PCSK9: variants seen among roughly 807,000 people sequenced by gnomAD.
PCSK9 encodes convertase subtilisin/kexin type 9 preproprotein.
Under a neutral mutation model 62.1 loss-of-function variants are expected in PCSK9, and 57 were observed. The ratio of observed to expected loss-of-function variants is 0.92; its 90% confidence interval spans 0.74 to 1.14. The LOEUF (loss-of-function observed/expected upper bound fraction) is 1.14, where lower values mean the gene tolerates loss of function less well. Ranked by LOEUF, PCSK9 falls within the 50% of genes most tolerant of loss-of-function variation. PCSK9 has a pLI of 0.00. For missense variants in PCSK9, 870 were observed against 959.8 expected (o/e 0.91, Z 1.24); for synonymous variants, 387 against 409.4 (o/e 0.95, Z 0.66).
Position 55,052,751 on chromosome 1 carries a change from C to G in PCSK9, c.759C>G (p.Leu253=). 2 of 1,613,210 alleles carry G rather than the reference C, an allele frequency of 1.2e-6. No homozygotes were observed. The highest frequency in any genetic ancestry group is 1.7e-6 in the Non-Finnish European group (2 of 1,180,008). The change falls in exon 5 of 12, where the codon CTC becomes CTG. Residue 253 remains leucine, a synonymous_variant. Coordinates refer to ENST00000302118, the MANE Select transcript of PCSK9 (RefSeq NM_174936.4). ...CCAGCATGCGCAGCCTGCGCGTGCT[C>G]AACTGCCAAGGGAAGGGCACGGTTA... is the stretch of plus-strand genomic sequence containing the variant. ...KGASMRSLRV[L]NCQGKGTVSG...
Position 55,040,217 on chromosome 1 carries a change from C to T in PCSK9, c.207+173C>T, listed in dbSNP as rs930862392. 6.6e-6 allele frequency among the ~76,000 whole-genome samples: 1 copy of T among 152,054 alleles called. No homozygotes were observed. The highest frequency in any genetic ancestry group is 1.5e-5 in the Non-Finnish European group (1 of 68,016). On this transcript the variant is annotated intron_variant, in intron 1 of 11. Coordinates refer to ENST00000302118, the MANE Select transcript of PCSK9 (RefSeq NM_174936.4). The surrounding 1 kb of genome is among the most constrained non-coding windows in gnomAD (Gnocchi z 4.1). Reference sequence around the variant, plus strand: ...CTGCAGGCAAGGCGGCGGGGGAGGACGGGTAGTGGGGAGCACGGTGGAGAG... The same window carrying T: ...CTGCAGGCAAGGCGGCGGGGGAGGATGGGTAGTGGGGAGCACGGTGGAGAG...
intron 7 of PCSK9, 30 bp from the exon 8 acceptor site, chr1:55,058,006 A>G (rs1421092577): frequency 6.2e-7 from 1 of 1,613,368 alleles, no homozygotes. Context: ...CCGGGCCATC[A>G]CCATCTTTCA....
In PCSK9 at chr1:55,039,596, C is replaced by G. The variant is rs1381356866; in HGVS notation, c.-242C>G. 1.5e-5 allele frequency: 9 copies of G among 599,114 alleles called. No individual in the cohort carries two copies. The East Asian group carries it at 2.5e-4, about 17-fold the overall frequency. 37.1% of individuals were successfully genotyped at this position (599,114 alleles called of 1,614,324 possible). A position where few individuals can be genotyped will look rare whatever the true frequency, so the allele number is the denominator to read the frequency against. On this transcript the variant is annotated 5_prime_UTR_variant, in exon 1 of 12. Transcript: ENST00000302118. ...TGCAGGCGGGCGCCGCCGTTCAGTT[C>G]AGGGTCTGAGCCTGGAGGAGTGAGC...
chr1:55,044,485 C>T (rs927767565), intron 2 of PCSK9, among the ~76,000 whole-genome samples: 1 of 152,176 alleles, frequency 6.6e-6, no homozygotes, highest in African/African-American at 2.4e-5. Context: ...AGTGAAGTCC[C>T]TTCTTTAGGA....
chr1:55,048,739 A>C (rs932286765), intron 3 of PCSK9, among the ~76,000 whole-genome samples: 49 of 152,190 alleles, frequency 3.2e-4, no homozygotes, highest in Admixed American at 3.9e-4. Flanking sequence ...GACCTTGCAT[A>C]CGTCACTCAC....
Position 55,039,578 on chromosome 1 carries a change from G to A in PCSK9, c.-260G>A. ...CGTCGAGGCGCTCATGGTTGCAGGCGGGCGCCGCCGTTCAGTTCAGGGTCT... is the reference window on the plus strand; with the variant it reads ...CGTCGAGGCGCTCATGGTTGCAGGCAGGCGCCGCCGTTCAGTTCAGGGTCT... On this transcript the variant is annotated 5_prime_UTR_variant, in exon 1 of 12. Coordinates refer to ENST00000302118, the MANE Select transcript of PCSK9 (RefSeq NM_174936.4). 1 of 573,926 alleles carries A rather than the reference G, an allele frequency of 1.7e-6. No individual in the cohort carries two copies. 35.6% of individuals were successfully genotyped at this position (573,926 alleles called of 1,614,324 possible).
rs1644591941 is a variant in PCSK9, at chr1:55,040,595, A to T, written c.207+551A>T. On this transcript the variant is annotated intron_variant, in intron 1 of 11. Transcript: ENST00000302118. The surrounding 1 kb of genome is among the most constrained non-coding windows in gnomAD (Gnocchi z 4.1). ...ACGGCAGATGCTGGGAGCACGAGGC[A>T]ATTTCTTTATGACACAGAACTCATG... Among the ~76,000 whole-genome samples, 1 of 152,126 alleles carries T rather than the reference A, an allele frequency of 6.6e-6. No individual in the cohort carries two copies. The highest frequency in any genetic ancestry group is 2.1e-4 in the South Asian group (1 of 4,818).
chr1:55,051,727 G>T (rs1259745089), intron 3 of PCSK9: 2 of 216,008 alleles, frequency 9.3e-6, no homozygotes, highest in Non-Finnish European at 1.9e-5. Flanking sequence ...AGCAGTCCCC[G>T]TGAGCCCTCC....
chr1:55,049,940 C>A (rs1644661158), intron 3 of PCSK9, among the ~76,000 whole-genome samples: 1 of 152,214 alleles, frequency 6.6e-6, no homozygotes, highest in South Asian at 2.1e-4. Context: ...CGGGTGGGAC[C>A]AGAAAGGACT....
intron 6 of PCSK9, 48 bp downstream of exon 6, chr1:55,056,237 C>G (rs1416834228): frequency 1.8e-5 from 1 of 56,394 alleles, no homozygotes; most frequent in Non-Finnish European, 2.6e-5. Context: ...GGGCGGAGGG[C>G]GGAGGGCGGA....
chr1:55,058,666 CGTGTGTGT>C lies in PCSK9; in HGVS notation c.1503+64_1503+71del, dbSNP rs35115360. 1,625 of 1,534,792 alleles carry C rather than the reference CGTGTGTGT, an allele frequency of 1.1e-3. 10 individuals are homozygous for C. The African/African-American group carries it at 0.012, about 11-fold the overall frequency. On this transcript the variant is annotated intron_variant, in intron 9 of 11. Coordinates refer to ENST00000302118, the MANE Select transcript of PCSK9 (RefSeq NM_174936.4). Reference sequence around the variant, plus strand: ...CATGGAGGTGACTGTACCCCTCCTTCGTGTGTGTGTGTGTGTGTGTGTGTGTGTGTGTG... The same window carrying C: ...CATGGAGGTGACTGTACCCCTCCTTCGTGTGTGTGTGTGTGTGTGTGTGTG...
At chr1:55,042,699 G>T (rs1338619495) in intron 1 of PCSK9, among the ~76,000 whole-genome samples, 2 of 152,190 alleles carry the variant, frequency 1.3e-5, no homozygotes, top group African/African-American at 4.8e-5. Context: ...TCTTAAGCAG[G>T]TATGTCTGCC....
At chr1:55,051,134 C>T (rs943276990) in intron 3 of PCSK9, 33 of 456,104 alleles carry the variant, frequency 7.2e-5, no homozygotes, top group Middle Eastern at 6.5e-4. Flanking sequence ...AGTGGGTACA[C>T]GCCCTGAGCC....
intron 1 of PCSK9, among the ~76,000 whole-genome samples, chr1:55,042,316 T>G (rs1267847236): frequency 1.3e-5 from 2 of 152,028 alleles, no homozygotes; most frequent in South Asian, 2.1e-4. Context: ...AAACCAAAAG[T>G]TTTTTTTGTG....
chr1:55,046,059 A>G (rs1435990529), intron 2 of PCSK9, among the ~76,000 whole-genome samples: 1 of 152,170 alleles, frequency 6.6e-6, no homozygotes, highest in Non-Finnish European at 1.5e-5. Context: ...CCATTGGCTG[A>G]GCCCAACTGG....
At position 55,046,579 on chromosome 1, in the gene PCSK9, G is replaced by C. The variant is rs1305635836; in HGVS notation, c.456G>C (p.Gln152His). 8 of 1,614,170 alleles carry C rather than the reference G, an allele frequency of 5.0e-6. No homozygotes were observed. The highest frequency in any genetic ancestry group is 1.1e-5 in the South Asian group (1 of 91,086). ...YIEEDSSVFA[Q>H]SIPWNLERIT... ...AGGAGGACTCCTCTGTCTTTGCCCA[G>C]AGCATCCCGTGGAACCTGGAGCGGA... Residue 152 changes from glutamine (Q) to histidine (H), a missense_variant, in exon 3 of 12, where the codon CAG becomes CAC. Physicochemically the swap from Gln to His is conservative, Grantham distance 24. Coordinates refer to ENST00000302118, the MANE Select transcript of PCSK9 (RefSeq NM_174936.4).
Position 55,052,279 on chromosome 1 carries a change from C to T in PCSK9, c.525C>T (p.Asp175=), listed in dbSNP as rs148612296. Residue 175 remains aspartate (D), a splice_region_variant and synonymous_variant, in exon 4 of 12, where the codon GAC becomes GAT. Transcript: ENST00000302118. ...TCCCACAAATGTCGCCTTGGAAAGA[C>T]GGAGGCAGCCTGGTGGAGGTGTATC... The part of the protein sequence containing the change: ...RYRADEYQPP[D]GGSLVEVYLL... 2.7e-4 allele frequency: 441 copies of T among 1,613,960 alleles called. 1 individual carries two copies. In the African/African-American group the frequency reaches 3.7e-3, roughly 14 times the overall value.
rs771069624 is a variant in PCSK9 at position 55,058,074 on chromosome 1, A to C, written c.1219A>C (p.Thr407Pro). The stretch of plus-strand genomic sequence containing the variant: ...GATGCTGTCTGCCGAGCCGGAGCTC[A>C]CCCTGGCCGAGTTGAGGCAGAGACT... ...AMMLSAEPEL[T>P]LAELRQRLIH... Residue 407 changes from threonine to proline, a missense_variant, in exon 8 of 12, where the codon ACC becomes CCC. Thr to Pro is a conservative substitution (Grantham distance 38). Transcript: ENST00000302118. The C allele has an allele frequency of 6.2e-7, 1 of 1,613,750 alleles. No individual in the cohort carries two copies. Among genetic ancestry groups the C allele is most frequent in the South Asian group, 1.1e-5 (1 of 91,086 alleles).
At chr1:55,057,951 T>TGTGC in intron 7 of PCSK9, 85 bp from the exon 8 acceptor site, 1 of 1,541,708 alleles carries the variant, frequency 6.5e-7, no homozygotes, top group African/African-American at 1.4e-5. Flanking sequence ...TGTGTATGTG[T>TGTGC]GTGCGTGTGT....
Sources: gnomAD v4.1 joint callset for allele counts (sites outside exome capture counted in the v4.1 genomes callset) on GRCh38, gnomAD v4.1.1 for gene constraint, Gnocchi (gnomAD v3.1) non-coding constraint, MANE v1.5 for transcripts, NCBI Gene and HGNC (gene_info 2026-07-23, HGNC 2026-07-21) for gene names.